The following LRP1B variants were observed in gnomAD, a reference collection of about 807,000 sequenced individuals.
The protein encoded by LRP1B is LDL receptor related protein 1B.
In LRP1B, 217 loss-of-function variants were observed where a neutral mutation model predicts 556.6. That is an observed-to-expected ratio of 0.39 (90% CI 0.35 to 0.44). The LOEUF (loss-of-function observed/expected upper bound fraction) is 0.44, where lower values mean the gene tolerates loss of function less well. Ranked by LOEUF, LRP1B falls within the 20% of genes least tolerant of loss-of-function variation. LRP1B has a pLI of 1.00. For missense variants in LRP1B, 5,053 were observed against 5,620.8 expected, an observed-to-expected ratio of 0.90 and a Z score of 3.23; for synonymous variants, 2,047 against 1,865.8, an observed-to-expected ratio of 1.10 and a Z score of -2.50.
intron 84 of LRP1B, among the ~76,000 whole-genome samples, chr2:140,293,929 A>G (rs1683501034): frequency 6.6e-6 from 1 of 152,186 alleles, no homozygotes; most frequent in Admixed American, 6.5e-5. Context: ...AGTGCTTTGC[A>G]GTAAAAGGTG....
At chr2:140,586,180 G>T (rs543889203) in intron 43 of LRP1B, among the ~76,000 whole-genome samples, 19 of 152,144 alleles carry the variant, frequency 1.2e-4, no homozygotes, top group African/African-American at 4.6e-4. Flanking sequence ...CAAACATAAG[G>T]TGACTATAAA....
intron 41 of LRP1B, among the ~76,000 whole-genome samples, chr2:140,621,618 A>G (rs1405407405): frequency 1.3e-5 from 2 of 152,150 alleles, no homozygotes; most frequent in Non-Finnish European, 2.9e-5. Context: ...CATTAATACA[A>G]TATGATATTA....
At chr2:140,760,866 G>A (rs771638256) in intron 35 of LRP1B, among the ~76,000 whole-genome samples, 4 of 152,034 alleles carry the variant, frequency 2.6e-5, no homozygotes, top group Middle Eastern at 3.4e-3. Flanking sequence ...TCCAGCCTGG[G>A]CGACACAGTG....
intron 43 of LRP1B, among the ~76,000 whole-genome samples, chr2:140,553,965 C>T (rs1435765379): frequency 6.6e-6 from 1 of 151,876 alleles, no homozygotes; most frequent in Non-Finnish European, 1.5e-5. Flanking sequence ...GGAAAGAGAG[C>T]CAGTTTTTCT....
chr2:141,366,306 T>C (rs146335063), intron 3 of LRP1B, among the ~76,000 whole-genome samples: 3 of 152,340 alleles, frequency 2.0e-5, no homozygotes, highest in Admixed American at 1.3e-4. Context: ...ATATGACTTA[T>C]ACAAAAACAC....
chr2:141,128,935 G>T (rs1701283797), intron 7 of LRP1B, among the ~76,000 whole-genome samples: 1 of 152,048 alleles, frequency 6.6e-6, no homozygotes, highest in Non-Finnish European at 1.5e-5. Flanking sequence ...AGTGCCTAAA[G>T]ATATTGCAAA....
At chr2:140,901,521 G>T (rs190574315) in intron 23 of LRP1B, among the ~76,000 whole-genome samples, 17 of 152,142 alleles carry the variant, frequency 1.1e-4, no homozygotes, top group Non-Finnish European at 1.9e-4. Flanking sequence ...ATCACATCAG[G>T]GTAAATGGGA....
chr2:141,451,789 T>C (rs1681431737), intron 3 of LRP1B, among the ~76,000 whole-genome samples: 1 of 152,210 alleles, frequency 6.6e-6, no homozygotes, highest in Non-Finnish European at 1.5e-5. Flanking sequence ...TAGAAGTTAT[T>C]CAGCTTAAAC....
In LRP1B at chr2:140,689,932, G is replaced by T. The variant is rs545624379; in HGVS notation, c.6799+10318C>A. The stretch of plus-strand genomic sequence containing the variant: ...CAGTCTCCCAAGCCTGAACACCTAT[G>T]CAGAAAACTTTTCAGCTTTATGTCT... On this transcript the variant is annotated intron_variant, in intron 41 of 90. Transcript: ENST00000389484. Among the ~76,000 whole-genome samples, 17 of 152,224 alleles carry T rather than the reference G, an allele frequency of 1.1e-4. 3 individuals are homozygous for T. The South Asian group carries it at 3.5e-3, about 32-fold the overall frequency.
chr2:141,569,310 G>A (rs1686446987), intron 2 of LRP1B, among the ~76,000 whole-genome samples: 1 of 150,592 alleles, frequency 6.6e-6, no homozygotes, highest in African/African-American at 2.4e-5. Context: ...CTGAAGAGGA[G>A]GATTTTAAGC....
intron 1 of LRP1B, among the ~76,000 whole-genome samples, chr2:141,988,900 T>C (rs1026590501): frequency 6.6e-6 from 1 of 152,058 alleles, no homozygotes; most frequent in African/African-American, 2.4e-5. Flanking sequence ...TTTGTAATTA[T>C]CCAACATAAA....
Position 140,701,869 on chromosome 2 carries a change from G to C in LRP1B, c.6303-24C>G, listed in dbSNP as rs2105426819. On this transcript the variant is annotated intron_variant, in intron 39 of 90. Transcript: ENST00000389484. ...CTCTGCCAAAAAGTTGAACATACAT[G>C]ATCAACAATCTTCGACTAATTAAAG... is the stretch of plus-strand genomic sequence containing the variant. 4 of 1,611,818 alleles carry C rather than the reference G, an allele frequency of 2.5e-6. No individual in the cohort carries two copies. The East Asian group carries it at 6.7e-5, about 27-fold the overall frequency.
rs537839614 is a variant in LRP1B at position 140,570,169 on chromosome 2, G to T, written c.7195-28198C>A. On this transcript the variant is annotated intron_variant, in intron 43 of 90. Coordinates refer to ENST00000389484, the MANE Select transcript of LRP1B (RefSeq NM_018557.3). ...AAAACTCAACATTAGTAGAAGGATA[G>T]AAATACTATAGATTGGAGCAGAAAT... Among the ~76,000 whole-genome samples the T allele has an allele frequency of 4.0e-5, 6 of 151,144 alleles. No homozygotes were observed. The South Asian group carries it at 1.2e-3, about 31-fold the overall frequency.
Position 140,855,429 on chromosome 2 carries a change from G to A in LRP1B, c.4580-3646C>T, listed in dbSNP as rs1573807516. 3.6e-5 allele frequency among the ~76,000 whole-genome samples: 5 copies of A among 139,216 alleles called. No homozygotes were observed. The South Asian group carries it at 7.0e-4, about 19-fold the overall frequency. 91.3% of individuals were successfully genotyped at this position (139,216 alleles called of 152,430 possible). On this transcript the variant is annotated intron_variant, in intron 27 of 90. Coordinates refer to ENST00000389484, the MANE Select transcript of LRP1B (RefSeq NM_018557.3). Reference sequence around the variant, plus strand: ...GCACTTTGGGAGGCTGAAGTGGGAGGATTGCTTAAGCCCAGTAGCTAGAGA... The same window carrying A: ...GCACTTTGGGAGGCTGAAGTGGGAGAATTGCTTAAGCCCAGTAGCTAGAGA...
intron 2 of LRP1B, among the ~76,000 whole-genome samples, chr2:141,545,226 T>C (rs549781500): frequency 2.0e-5 from 3 of 152,316 alleles, no homozygotes; most frequent in East Asian, 3.9e-4. Flanking sequence ...AGTCTTCCTA[T>C]AGCCCATCTC....
chr2:141,552,788 T>C (rs898277132), intron 2 of LRP1B, among the ~76,000 whole-genome samples: 2 of 151,968 alleles, frequency 1.3e-5, no homozygotes, highest in African/African-American at 4.8e-5. Flanking sequence ...ATAAAAAAAA[T>C]TCTACTGGGA....
intron 32 of LRP1B, among the ~76,000 whole-genome samples, chr2:140,782,159 C>T (rs1232530159): frequency 1.3e-5 from 2 of 152,076 alleles, no homozygotes; most frequent in African/African-American, 2.4e-5. Context: ...AAGCAGGGAG[C>T]TAATATAGGG....
intron 1 of LRP1B, among the ~76,000 whole-genome samples, chr2:141,905,369 C>T (rs1323944663): frequency 6.6e-6 from 1 of 151,614 alleles, no homozygotes; most frequent in Non-Finnish European, 1.5e-5. Flanking sequence ...TTAAAAAGTA[C>T]AATCATGGGA....
chr2:140,895,491 T>C (rs1693926201), intron 23 of LRP1B, among the ~76,000 whole-genome samples: 2 of 149,118 alleles, frequency 1.3e-5, no homozygotes, highest in Non-Finnish European at 1.5e-5. Context: ...CCAGAAGGAA[T>C]GCTTCAGGTC....
Sources: allele counts gnomAD v4.1 joint callset (sites outside exome capture counted in the v4.1 genomes callset), GRCh38; gene constraint gnomAD v4.1.1; transcripts MANE v1.5; gene names NCBI Gene and HGNC (gene_info 2026-07-23, HGNC 2026-07-21).